The following TCF7L1 variants were observed in gnomAD, a reference collection of about 807,000 sequenced individuals.
The protein encoded by TCF7L1 is transcription factor 7 like 1.
A neutral mutation model predicts 63.7 loss-of-function variants in TCF7L1; 18 were observed. That is an observed-to-expected ratio of 0.28 (90% CI 0.20 to 0.42). TCF7L1 has a LOEUF of 0.42. Ranked by LOEUF, TCF7L1 falls within the 10% of genes least tolerant of loss-of-function variation. The pLI is 1.00. For synonymous variants in TCF7L1, 355 were observed against 340.9 expected (o/e 1.04, Z -0.46); for missense variants, 654 against 779.3 (o/e 0.84, Z 1.91).
chr2:85,256,518 C>T (rs1558647972), intron 3 of TCF7L1, among the ~76,000 whole-genome samples: 1 of 152,210 alleles, frequency 6.6e-6, no homozygotes, highest in Non-Finnish European at 1.5e-5. Flanking sequence ...TGCTTCCGGA[C>T]ACACAATCAA....
chr2:85,247,190 G>C (rs949775557), intron 3 of TCF7L1, among the ~76,000 whole-genome samples: 1 of 152,116 alleles, frequency 6.6e-6, no homozygotes, highest in Non-Finnish European at 1.5e-5. Context: ...AGCTTACCAG[G>C]ATACAATATC....
At chr2:85,262,650 A>G (rs1680884804) in intron 3 of TCF7L1, among the ~76,000 whole-genome samples, 2 of 152,246 alleles carry the variant, frequency 1.3e-5, no homozygotes, top group East Asian at 1.9e-4. Context: ...TCAAACCAGC[A>G]GAATGAATTC....
chr2:85,246,118 A>G (rs1680458390), intron 3 of TCF7L1, among the ~76,000 whole-genome samples: 1 of 152,230 alleles, frequency 6.6e-6, no homozygotes, highest in Non-Finnish European at 1.5e-5. Flanking sequence ...TCTGATCTCC[A>G]GATGTAACAG....
In TCF7L1 at chr2:85,303,959, C is replaced by T. The variant is rs921253730; in HGVS notation, c.723C>T (p.Val241=). 3.7e-6 allele frequency: 6 copies of T among 1,613,618 alleles called. No homozygotes were observed. The highest frequency in any genetic ancestry group is 2.7e-5 in the African/African-American group (2 of 74,854). The change falls in exon 6 of 12, where the codon GTC becomes GTT. Residue 241 remains valine, a synonymous_variant. Transcript: ENST00000282111. ...SPYYPLSPGA[V]GQIPHPLGWL... Reference sequence around the variant, plus strand: ...ATTACCCACTCTCTCCCGGAGCTGTCGGACAAATCCCCCACCCCCTCGGCT... The same window carrying T: ...ATTACCCACTCTCTCCCGGAGCTGTTGGACAAATCCCCCACCCCCTCGGCT...
At chr2:85,298,580 G>C (rs1431246472) in intron 4 of TCF7L1, among the ~76,000 whole-genome samples, 2 of 151,446 alleles carry the variant, frequency 1.3e-5, no homozygotes, top group African/African-American at 4.9e-5. Flanking sequence ...TCTAGAAACA[G>C]ACTGAAATAG....
intron 3 of TCF7L1, among the ~76,000 whole-genome samples, chr2:85,220,320 T>G (rs58953021): frequency 0.049 from 7,507 of 151,960 alleles, 205 homozygotes; most frequent in Middle Eastern, 0.054. Context: ...TTCAATCTGG[T>G]GTCCATTAGT....
intron 4 of TCF7L1, among the ~76,000 whole-genome samples, chr2:85,299,860 AACACACACACACACACAC>A (rs61569778): frequency 9.7e-5 from 9 of 92,706 alleles, no homozygotes; most frequent in Non-Finnish European, 1.6e-4. Flanking sequence ...CCTTGTCTCA[AACACACACACACACACAC>A]ACACACACAC....
chr2:85,290,020 C>T (rs1289260343), intron 4 of TCF7L1, among the ~76,000 whole-genome samples: 1 of 149,126 alleles, frequency 6.7e-6, no homozygotes, highest in East Asian at 2.0e-4. Flanking sequence ...CTATGTCGCC[C>T]AGGCTGGAGT....
At chr2:85,302,055 G>T (rs13000296) in intron 4 of TCF7L1, among the ~76,000 whole-genome samples, 1 of 152,064 alleles carries the variant, frequency 6.6e-6, no homozygotes, top group Non-Finnish European at 1.5e-5. Flanking sequence ...TGGAATCCGG[G>T]AGGCAGAGGC....
chr2:85,213,081 G>A (rs1443452653), intron 3 of TCF7L1, among the ~76,000 whole-genome samples: 2 of 150,648 alleles, frequency 1.3e-5, no homozygotes, highest in Non-Finnish European at 3.0e-5. Context: ...ACCCAAGGGA[G>A]GCCCAGAAAA....
chr2:85,308,949 A>G (rs1389879768), intron 11 of TCF7L1, 80 bp from the exon 12 acceptor site: 26 of 1,469,350 alleles, frequency 1.8e-5, no homozygotes, highest in South Asian at 4.0e-5. Context: ...TCCAAAGCAC[A>G]TGTATCGCCA....
chr2:85,252,383 C>A (rs936427333), intron 3 of TCF7L1, among the ~76,000 whole-genome samples: 1 of 152,200 alleles, frequency 6.6e-6, no homozygotes, highest in Non-Finnish European at 1.5e-5. Flanking sequence ...GCAGTTATAC[C>A]CTGTGATAAT....
At chr2:85,194,198 G>A (rs1572986159) in intron 3 of TCF7L1, among the ~76,000 whole-genome samples, 2 of 152,124 alleles carry the variant, frequency 1.3e-5, no homozygotes, top group East Asian at 3.9e-4. Flanking sequence ...TTACCTTCGG[G>A]AAATGATGTG....
intron 3 of TCF7L1, among the ~76,000 whole-genome samples, chr2:85,137,784 A>G (rs1302233007): frequency 6.6e-6 from 1 of 151,770 alleles, no homozygotes; most frequent in Non-Finnish European, 1.5e-5. Flanking sequence ...TTCCAGCTAC[A>G]TTGGAGACTG....
In TCF7L1 at chr2:85,288,941, G is replaced by T. The variant is rs561546535; in HGVS notation, c.525+5363G>T. Among the ~76,000 whole-genome samples, 12 of 152,260 alleles carry T rather than the reference G, an allele frequency of 7.9e-5. No individual in the cohort carries two copies. The South Asian group carries it at 2.5e-3, about 32-fold the overall frequency. The stretch of plus-strand genomic sequence containing the variant: ...TATAAGCAACACGAAGACAGGAATC[G>T]CATCTGAGCGCCTGTTGTAATGCTC... On this transcript the variant is annotated intron_variant, in intron 4 of 11. Transcript: ENST00000282111.
At chr2:85,186,036 G>T (rs892994522) in intron 3 of TCF7L1, among the ~76,000 whole-genome samples, 2 of 142,006 alleles carry the variant, frequency 1.4e-5, no homozygotes, top group African/African-American at 5.4e-5. Flanking sequence ...GTGCAATCTC[G>T]GCTCACTGCA....
At chr2:85,152,171 C>T (rs1252947785) in intron 3 of TCF7L1, among the ~76,000 whole-genome samples, 1 of 152,160 alleles carries the variant, frequency 6.6e-6, no homozygotes, top group Non-Finnish European at 1.5e-5. Flanking sequence ...CAGGATACTC[C>T]AGCACACCTT....
Position 85,203,219 on chromosome 2 carries a change from G to A in TCF7L1, c.441+68769G>A, listed in dbSNP as rs191214402. The stretch of plus-strand genomic sequence containing the variant: ...CAATTTTAATAGCATTTCTAACATT[G>A]GGAAGCTATAACTTATTTCTGAGGT... On this transcript the variant is annotated intron_variant, in intron 3 of 11. Coordinates refer to ENST00000282111, the MANE Select transcript of TCF7L1 (RefSeq NM_031283.3). Among the ~76,000 whole-genome samples the A allele has an allele frequency of 2.1e-3, 313 of 152,204 alleles. 1 individual carries two copies. The highest frequency in any genetic ancestry group is 2.1e-3 in the Non-Finnish European group (145 of 68,012).
intron 3 of TCF7L1, among the ~76,000 whole-genome samples, chr2:85,197,440 T>A (rs1490212312): frequency 1.3e-5 from 2 of 152,080 alleles, no homozygotes; most frequent in East Asian, 3.9e-4. Context: ...GTGGCACAAA[T>A]AGGCAGAATG....
Sources: gnomAD v4.1 joint callset for allele counts (sites outside exome capture counted in the v4.1 genomes callset) on GRCh38, gnomAD v4.1.1 for gene constraint, MANE v1.5 for transcripts, NCBI Gene and HGNC (gene_info 2026-07-23, HGNC 2026-07-21) for gene names.